The following COBL variants were observed in gnomAD, a reference collection of about 807,000 sequenced individuals.
The protein encoded by COBL is protein cordon-bleu.
COBL carries 51 observed loss-of-function variants against 98.8 expected under a neutral mutation model. The observed-to-expected ratio is 0.52, with a 90% confidence interval of 0.41 to 0.65. The LOEUF (loss-of-function observed/expected upper bound fraction) is 0.65. COBL is among the 30% of genes least tolerant of loss of function. COBL has a pLI of 0.00. For missense variants in COBL, 1,617 were observed against 1,617.5 expected (o/e 1.00, Z 0.01); for synonymous variants, 634 against 651.7 (o/e 0.97, Z 0.41).
At position 51,207,999 on chromosome 7, in the gene COBL, G is replaced by A. The variant is rs531118671; in HGVS notation, c.245+11742C>T. On this transcript the variant is annotated intron_variant, in intron 2 of 12. Transcript: ENST00000265136. ...TAGGAAGTGAGGAGAGCCTCTTCCC[G>A]GCCGCCATCCCATCTAGGAAGTGAG... 1.7e-3 allele frequency among the ~76,000 whole-genome samples: 259 copies of A among 148,684 alleles called. 4 individuals carry two copies. The highest frequency in any genetic ancestry group is 6.2e-3 in the African/African-American group (243 of 39,336).
intron 1 of COBL, among the ~76,000 whole-genome samples, chr7:51,305,791 T>C (rs1802409772): frequency 9.4e-6 from 1 of 105,940 alleles, no homozygotes; most frequent in Admixed American, 9.3e-5. Flanking sequence ...TCCCAGCCCT[T>C]TGGGAGGCCA....
intron 6 of COBL, among the ~76,000 whole-genome samples, chr7:51,094,803 T>C (rs1460363015): frequency 6.6e-6 from 1 of 152,172 alleles, no homozygotes; most frequent in African/African-American, 2.4e-5. Context: ...AGCATAAAAA[T>C]ATAAGTATAA....
chr7:51,065,980 A>G (rs902160577), intron 7 of COBL, among the ~76,000 whole-genome samples: 1 of 152,200 alleles, frequency 6.6e-6, no homozygotes, highest in Non-Finnish European at 1.5e-5. Context: ...AACCCTGCCG[A>G]CACTTTGATC....
At chr7:51,146,754 T>A (rs1051654857) in intron 5 of COBL, among the ~76,000 whole-genome samples, 1 of 151,896 alleles carries the variant, frequency 6.6e-6, no homozygotes, top group Admixed American at 6.6e-5. Flanking sequence ...TAAAGGCAGG[T>A]GGTGCAGAGG....
intron 8 of COBL, among the ~76,000 whole-genome samples, chr7:51,041,101 G>C (rs1789141173): frequency 6.6e-6 from 1 of 152,210 alleles, no homozygotes; most frequent in African/African-American, 2.4e-5. Context: ...TGTTCTCACA[G>C]ATGTAAACAA....
At chr7:51,059,900 C>G (rs577504612) in intron 7 of COBL, among the ~76,000 whole-genome samples, 1 of 152,290 alleles carries the variant, frequency 6.6e-6, no homozygotes, top group East Asian at 1.9e-4. Context: ...CTGTTCAATC[C>G]TCATCTCACC....
chr7:51,122,834 C>CAGGGCATGGT (rs1797859761), intron 6 of COBL, among the ~76,000 whole-genome samples: 1 of 152,032 alleles, frequency 6.6e-6, no homozygotes, highest in South Asian at 2.1e-4. Context: ...CAAAAATTAG[C>CAGGGCATGGT]AGGGCATGGT....
At chr7:51,190,782 A>G (rs1790029894) in intron 4 of COBL, 68 bp downstream of exon 4, 6 of 1,290,834 alleles carry the variant, frequency 4.6e-6, no homozygotes, top group African/African-American at 2.9e-5. Context: ...GAGAGCCAAC[A>G]GGGGACATGT....
intron 6 of COBL, among the ~76,000 whole-genome samples, chr7:51,103,859 T>C (rs1391622039): frequency 1.3e-5 from 2 of 152,246 alleles, no homozygotes; most frequent in African/African-American, 4.8e-5. Context: ...AGCTGGAATA[T>C]CTAACTCAAA....
At chr7:51,054,059 T>C (rs1455302419) in intron 7 of COBL, among the ~76,000 whole-genome samples, 3 of 152,146 alleles carry the variant, frequency 2.0e-5, no homozygotes, top group African/African-American at 7.2e-5. Flanking sequence ...TGTGTGCCTG[T>C]AATCCCAGCT....
intron 1 of COBL, among the ~76,000 whole-genome samples, chr7:51,275,061 G>A (rs1799170057): frequency 6.6e-6 from 1 of 152,228 alleles, no homozygotes; most frequent in Admixed American, 6.5e-5. Context: ...AGACAGAGCA[G>A]TGAGAAGCAA....
chr7:51,041,154 A>C (rs143359610), intron 8 of COBL, among the ~76,000 whole-genome samples: 3,478 of 152,348 alleles, frequency 0.023, 62 homozygotes, highest in Non-Finnish European at 0.037. Flanking sequence ...TGGGGTAGGC[A>C]GGAAGGAACC....
In COBL at chr7:51,085,177, T is replaced by C; in HGVS notation, c.1085A>G (p.Lys362Arg). Residue 362 changes from lysine to arginine, a missense_variant, in exon 7 of 13, where the codon AAG (lysine) becomes AGG (arginine). By Grantham distance (26) the Lys-to-Arg change is conservative (BLOSUM62 2). Coordinates refer to ENST00000265136, the MANE Select transcript of COBL (RefSeq NM_015198.5). ...NRTEDKEENR[K>R]STMVSLPLGS... ...CGAGCCTCACTCACCCATCGTGCTC[T>C]TCCTGTTCTCCTCCTTATCCTCAGT... 1 of 1,613,928 alleles carries C rather than the reference T, an allele frequency of 6.2e-7. No homozygotes were observed. The highest frequency in any genetic ancestry group is 8.5e-7 in the Non-Finnish European group (1 of 1,180,004).
chr7:51,248,017 T>C (rs1444275747), intron 1 of COBL, among the ~76,000 whole-genome samples: 2 of 152,034 alleles, frequency 1.3e-5, no homozygotes, highest in Non-Finnish European at 2.9e-5. Context: ...TGCACGCCTA[T>C]AATCCCACCT....
chr7:51,217,445 G>T (rs1793174560), intron 2 of COBL, among the ~76,000 whole-genome samples: 1 of 149,540 alleles, frequency 6.7e-6, no homozygotes, highest in Admixed American at 6.7e-5. Flanking sequence ...GGGTTCAAGT[G>T]ATTCTCCTAC....
At chr7:51,040,285 C>A (rs1330273290) in intron 8 of COBL, among the ~76,000 whole-genome samples, 1 of 150,984 alleles carries the variant, frequency 6.6e-6, no homozygotes, top group African/African-American at 2.4e-5. Flanking sequence ...CACACACACA[C>A]AAAACTATAG....
At chr7:51,127,156 G>A (rs1040229977) in intron 6 of COBL, among the ~76,000 whole-genome samples, 4 of 152,124 alleles carry the variant, frequency 2.6e-5, no homozygotes, top group African/African-American at 9.7e-5. Flanking sequence ...CCTCATATCC[G>A]TCTATCACTA....
At chr7:51,231,526 T>C (rs1325521916) in intron 1 of COBL, among the ~76,000 whole-genome samples, 1 of 152,190 alleles carries the variant, frequency 6.6e-6, no homozygotes, top group Non-Finnish European at 1.5e-5. Flanking sequence ...CACTGTGATG[T>C]GAGTCTCTGG....
At chr7:51,195,930 A>G (rs997618620) in intron 2 of COBL, among the ~76,000 whole-genome samples, 4 of 152,210 alleles carry the variant, frequency 2.6e-5, no homozygotes, top group Non-Finnish European at 4.4e-5. Context: ...ATATAGGATC[A>G]TATCATCTGC....
Sources: gnomAD v4.1 joint callset for allele counts (sites outside exome capture counted in the v4.1 genomes callset) on GRCh38, gnomAD v4.1.1 for gene constraint, MANE v1.5 for transcripts, NCBI Gene and HGNC (gene_info 2026-07-23, HGNC 2026-07-21) for gene names.